The following ERC2 variants were observed in gnomAD, a reference collection of about 807,000 sequenced individuals.
ERC2 encodes the protein ERC protein 2.
ERC2 carries 42 observed loss-of-function variants against 114.8 expected under a neutral mutation model. The ratio of observed to expected loss-of-function variants is 0.37; its 90% CI spans 0.29 to 0.47. ERC2 has a LOEUF of 0.47. ERC2 is among the 20% of genes least tolerant of loss of function. ERC2 has a pLI of 0.99. For missense variants in ERC2, 939 were observed against 1,150.7 expected (o/e 0.82, Z 2.66); for synonymous variants, 454 against 425.5 (o/e 1.07, Z -0.82).
chr3:56,377,690 G>C lies in ERC2; in HGVS notation c.657+56661C>G, dbSNP rs78079817. On this transcript the variant is annotated intron_variant, in intron 2 of 17. Coordinates refer to ENST00000288221, the MANE Select transcript of ERC2 (RefSeq NM_015576.3). Reference sequence around the variant, plus strand: ...AAAAATAACCATGTGAGATTCTTTGGATTGTGCGGTAGCACAGCTCTCACC... The same window carrying C: ...AAAAATAACCATGTGAGATTCTTTGCATTGTGCGGTAGCACAGCTCTCACC... 1.8e-3 allele frequency among the ~76,000 whole-genome samples: 281 copies of C among 152,160 alleles called. 1 individual carries two copies. The highest frequency in any genetic ancestry group is 5.9e-3 in the African/African-American group (246 of 41,548).
At chr3:56,457,791 T>C (rs1191338090) in intron 1 of ERC2, among the ~76,000 whole-genome samples, 1 of 152,172 alleles carries the variant, frequency 6.6e-6, no homozygotes, top group Non-Finnish European at 1.5e-5. Context: ...CCCCTGTTAT[T>C]TGTACCTTCA....
At chr3:55,877,870 G>C (rs2062936824) in intron 14 of ERC2, among the ~76,000 whole-genome samples, 1 of 152,080 alleles carries the variant, frequency 6.6e-6, no homozygotes, top group Admixed American at 6.6e-5. Flanking sequence ...TGATGTGGCT[G>C]CCCTGTCCCT....
chr3:56,459,478 T>G (rs1311025680), intron 1 of ERC2, among the ~76,000 whole-genome samples: 2 of 151,754 alleles, frequency 1.3e-5, no homozygotes, highest in Non-Finnish European at 2.9e-5. Flanking sequence ...ACAACTACCT[T>G]TAGGGGTGGA....
intron 17 of ERC2, among the ~76,000 whole-genome samples, chr3:55,571,926 G>T (rs778068194): frequency 2.0e-5 from 3 of 152,172 alleles, no homozygotes; most frequent in Non-Finnish European, 4.4e-5. Context: ...GTTCCCTCTT[G>T]CTTCAGCCTT....
At chr3:55,966,072 G>A (rs899702187) in intron 12 of ERC2, among the ~76,000 whole-genome samples, 6 of 152,034 alleles carry the variant, frequency 3.9e-5, no homozygotes, top group East Asian at 1.9e-4. Flanking sequence ...TCCAAATAGC[G>A]TTCTACCAGT....
At chr3:55,523,969 C>T (rs1025306723) in intron 17 of ERC2, among the ~76,000 whole-genome samples, 6 of 152,222 alleles carry the variant, frequency 3.9e-5, no homozygotes, top group African/African-American at 1.4e-4. Context: ...CTACCTATTA[C>T]TCCTTCCCCT....
At chr3:56,109,003 CA>C (rs2078816417) in intron 6 of ERC2, among the ~76,000 whole-genome samples, 1 of 152,118 alleles carries the variant, frequency 6.6e-6, no homozygotes, top group Non-Finnish European at 1.5e-5. Context: ...TTTGTAACAT[CA>C]AAATAGACTC....
chr3:56,086,684 A>C (rs1382229550), intron 6 of ERC2, among the ~76,000 whole-genome samples: 1 of 152,124 alleles, frequency 6.6e-6, no homozygotes, highest in East Asian at 1.9e-4. Context: ...AAGATAAGGC[A>C]AGAAAAAATG....
At chr3:56,042,166 C>T (rs753337968) in intron 7 of ERC2, among the ~76,000 whole-genome samples, 7 of 152,108 alleles carry the variant, frequency 4.6e-5, no homozygotes, top group African/African-American at 1.2e-4. Context: ...TACATTCCCA[C>T]GAGATGAAGG....
At chr3:56,192,721 G>A (rs1455258006) in intron 3 of ERC2, among the ~76,000 whole-genome samples, 1 of 152,120 alleles carries the variant, frequency 6.6e-6, no homozygotes, top group Non-Finnish European at 1.5e-5. Flanking sequence ...TGTACCAGGT[G>A]AATTGTCTTC....
intron 17 of ERC2, among the ~76,000 whole-genome samples, chr3:55,538,162 A>C (rs762546632): frequency 1.8e-4 from 27 of 152,180 alleles, no homozygotes; most frequent in Non-Finnish European, 7.3e-5. Context: ...TTTTCTTTTT[A>C]TCTGAATTTC....
At chr3:55,965,781 A>T (rs2068709959) in intron 12 of ERC2, among the ~76,000 whole-genome samples, 1 of 152,000 alleles carries the variant, frequency 6.6e-6, no homozygotes, top group Non-Finnish European at 1.5e-5. Flanking sequence ...TGATCTTTCC[A>T]CTCTTCTTCT....
intron 2 of ERC2, among the ~76,000 whole-genome samples, chr3:56,372,456 G>T (rs955119717): frequency 6.6e-6 from 1 of 152,086 alleles, no homozygotes; most frequent in African/African-American, 2.4e-5. Context: ...GGCCAGGTGT[G>T]GTGGCTCACA....
At chr3:56,213,104 G>C (rs947465221) in intron 3 of ERC2, among the ~76,000 whole-genome samples, 1 of 152,172 alleles carries the variant, frequency 6.6e-6, no homozygotes, top group Non-Finnish European at 1.5e-5. Context: ...CAGAAGACGG[G>C]TGGTTACTGC....
intron 7 of ERC2, among the ~76,000 whole-genome samples, chr3:56,068,526 T>A (rs1245614028): frequency 6.6e-6 from 1 of 152,176 alleles, no homozygotes; most frequent in East Asian, 1.9e-4. Flanking sequence ...TTGAAGGATC[T>A]TTTGTGTCTC....
At chr3:55,942,435 C>G (rs1320227033) in intron 13 of ERC2, among the ~76,000 whole-genome samples, 1 of 149,290 alleles carries the variant, frequency 6.7e-6, no homozygotes, top group Non-Finnish European at 1.5e-5. Context: ...ACTACAGGCG[C>G]CCGCCACTAC....
chr3:56,163,522 C>T (rs1259765162), intron 4 of ERC2, among the ~76,000 whole-genome samples: 1 of 152,028 alleles, frequency 6.6e-6, no homozygotes, highest in Non-Finnish European at 1.5e-5. Flanking sequence ...GTAAGTCTTA[C>T]AAATTCATAT....
rs1051322486 is a variant in ERC2, at chr3:55,509,786, C to G, written c.*1530G>C. 1 of 152,616 alleles carries G rather than the reference C, an allele frequency of 6.6e-6. No homozygotes were observed. Among genetic ancestry groups the G allele is most frequent in the African/African-American group, 2.4e-5 (1 of 41,446 alleles). 9.5% of individuals were successfully genotyped at this position (152,616 alleles called of 1,614,324 possible). On this transcript the variant is annotated 3_prime_UTR_variant, in exon 18 of 18. Coordinates refer to ENST00000288221, the MANE Select transcript of ERC2 (RefSeq NM_015576.3). ...AATAATGACTAAATTCAATGCAAGA[C>G]TTCAGGGACATCTGTTTAGAATCCT...
chr3:56,393,290 C>G (rs140474446), intron 2 of ERC2, among the ~76,000 whole-genome samples: 185 of 152,236 alleles, frequency 1.2e-3, no homozygotes, highest in African/African-American at 4.0e-3. Flanking sequence ...CCTAGCTACT[C>G]AGGAGGATGA....
Sources: gnomAD v4.1 joint callset for allele counts (sites outside exome capture counted in the v4.1 genomes callset) on GRCh38, gnomAD v4.1.1 for gene constraint, MANE v1.5 for transcripts, NCBI Gene and HGNC (gene_info 2026-07-23, HGNC 2026-07-21) for gene names.